Variants in ANO3 observed in about 807,000 individuals in gnomAD.
ANO3 encodes anoctamin-3.
A neutral mutation model predicts 144.8 loss-of-function variants in ANO3; 99 were observed. That is an observed-to-expected ratio of 0.68 (90% CI 0.58 to 0.81). ANO3 has a LOEUF of 0.81. Ranked by LOEUF, ANO3 falls within the 30% of genes least tolerant of loss-of-function variation. ANO3 has a pLI of 0.00. For missense variants in ANO3, 905 were observed against 1,202.2 expected, an observed-to-expected ratio of 0.75 and a Z score of 3.66; for synonymous variants, 414 against 392.6, an observed-to-expected ratio of 1.05 and a Z score of -0.64.
chr11:26,265,896 A>G (rs983728302), intron 1 of ANO3, among the ~76,000 whole-genome samples: 7 of 152,232 alleles, frequency 4.6e-5, no homozygotes, highest in Non-Finnish European at 8.8e-5. Flanking sequence ...AAAGATGTCA[A>G]TGATGAATAG....
At chr11:26,593,378 T>C (rs1851509416) in intron 14 of ANO3, among the ~76,000 whole-genome samples, 1 of 152,104 alleles carries the variant, frequency 6.6e-6, no homozygotes, top group Admixed American at 6.5e-5. Flanking sequence ...AGTCACAACT[T>C]AGTGTCTGGG....
intron 1 of ANO3, among the ~76,000 whole-genome samples, chr11:26,376,534 C>G (rs1298721064): frequency 6.6e-6 from 1 of 152,008 alleles, no homozygotes; most frequent in Non-Finnish European, 1.5e-5. Context: ...TTTCTTGAAA[C>G]ATGTCCTTCG....
chr11:26,194,442 G>GTGTGTGTGTGTGTGTA (rs1554920704), intron 1 of ANO3, among the ~76,000 whole-genome samples: 5 of 51,256 alleles, frequency 9.8e-5, no homozygotes, highest in South Asian at 7.5e-4. Flanking sequence ...ACATAGTGGT[G>GTGTGTGTGTGTGTGTA]TGTGTGTGTG....
At chr11:26,291,683 G>C (rs1853961898) in intron 1 of ANO3, among the ~76,000 whole-genome samples, 1 of 152,172 alleles carries the variant, frequency 6.6e-6, no homozygotes, top group Non-Finnish European at 1.5e-5. Flanking sequence ...AGTTTGACTG[G>C]ATATGAAATT....
At chr11:26,482,767 T>G (rs948447165) in intron 4 of ANO3, among the ~76,000 whole-genome samples, 2 of 152,124 alleles carry the variant, frequency 1.3e-5, no homozygotes, top group African/African-American at 4.8e-5. Context: ...CCTTCTAACC[T>G]TCTGAGTCTC....
chr11:26,376,723 T>A (rs1055513841), intron 1 of ANO3, among the ~76,000 whole-genome samples: 2 of 152,086 alleles, frequency 1.3e-5, no homozygotes, highest in South Asian at 2.1e-4. Context: ...GATGCGCAAC[T>A]GTTATTTTGG....
intron 1 of ANO3, among the ~76,000 whole-genome samples, chr11:26,214,333 T>C (rs1851995186): frequency 6.6e-6 from 1 of 151,900 alleles, no homozygotes; most frequent in African/African-American, 2.4e-5. Flanking sequence ...AACCTTCCAG[T>C]TTCTGTGAGT....
At chr11:26,520,291 T>C (rs970395737) in intron 6 of ANO3, among the ~76,000 whole-genome samples, 4 of 152,120 alleles carry the variant, frequency 2.6e-5, no homozygotes, top group African/African-American at 9.7e-5. Flanking sequence ...AGATCATTTT[T>C]AAAAAAACTA....
At chr11:26,346,582 C>A (rs1855500954) in intron 1 of ANO3, among the ~76,000 whole-genome samples, 1 of 152,140 alleles carries the variant, frequency 6.6e-6, no homozygotes, top group Non-Finnish European at 1.5e-5. Context: ...TGTGCCTAGA[C>A]TTGTATGTTA....
intron 4 of ANO3, among the ~76,000 whole-genome samples, chr11:26,471,887 G>A (rs922372412): frequency 3.9e-5 from 6 of 151,922 alleles, no homozygotes; most frequent in Non-Finnish European, 7.4e-5. Flanking sequence ...AACACATAGA[G>A]GTTTCTCGAA....
intron 1 of ANO3, among the ~76,000 whole-genome samples, chr11:26,361,238 T>G (rs180783532): frequency 0.011 from 1,614 of 152,274 alleles, 17 homozygotes; most frequent in Non-Finnish European, 0.016. Context: ...GATAGATTTG[T>G]GAGTGCTTTT....
intron 1 of ANO3, among the ~76,000 whole-genome samples, chr11:26,364,020 A>T (rs1285431765): frequency 1.3e-5 from 2 of 152,146 alleles, no homozygotes; most frequent in Non-Finnish European, 2.9e-5. Context: ...GGGTACATTA[A>T]TTTGTGATAT....
intron 3 of ANO3, among the ~76,000 whole-genome samples, chr11:26,461,430 C>A (rs1435775122): frequency 6.6e-6 from 1 of 151,956 alleles, no homozygotes; most frequent in African/African-American, 2.4e-5. Flanking sequence ...TAAAATGACA[C>A]CCCCCACTCC....
At chr11:26,600,197 C>T (rs1465837195) in intron 17 of ANO3, among the ~76,000 whole-genome samples, 1 of 151,804 alleles carries the variant, frequency 6.6e-6, no homozygotes, top group Non-Finnish European at 1.5e-5. Context: ...TCTGGAACTA[C>T]TGTTTCTCTC....
rs547088952 is a variant in ANO3 at position 26,520,707 on chromosome 11, C to T, written c.692+3780C>T. 2.4e-4 allele frequency among the ~76,000 whole-genome samples: 37 copies of T among 152,078 alleles called. 2 individuals are homozygous for T. The South Asian group carries it at 7.5e-3, about 31-fold the overall frequency. On this transcript the variant is annotated intron_variant, in intron 6 of 26. Coordinates refer to ENST00000256737, the MANE Select transcript of ANO3 (RefSeq NM_031418.4). ...GAGAAGTGGCTCTCAGTCTTTAGAG[C>T]ACCTTAAAATGACCTGGGAAGTAAT... is the stretch of plus-strand genomic sequence containing the variant.
intron 1 of ANO3, among the ~76,000 whole-genome samples, chr11:26,407,047 G>GGTGTGTGT (rs372391349): frequency 1.6e-4 from 17 of 108,392 alleles, no homozygotes; most frequent in African/African-American, 4.7e-4. Flanking sequence ...TATATATATG[G>GGTGTGTGT]GTGTGTGTGT....
intron 14 of ANO3, among the ~76,000 whole-genome samples, chr11:26,593,845 G>A (rs1174201450): frequency 1.3e-5 from 2 of 152,204 alleles, no homozygotes; most frequent in African/African-American, 4.8e-5. Context: ...TGACTAAAGC[G>A]GTGGCCTTCT....
At chr11:26,300,563 A>T (rs1854203140) in intron 1 of ANO3, among the ~76,000 whole-genome samples, 1 of 152,170 alleles carries the variant, frequency 6.6e-6, no homozygotes, top group Admixed American at 6.5e-5. Flanking sequence ...TCTCCTCATT[A>T]TAGATGGGGA....
At chr11:26,635,391 A>G (rs1852923085) in intron 20 of ANO3, among the ~76,000 whole-genome samples, 1 of 152,122 alleles carries the variant, frequency 6.6e-6, no homozygotes, top group African/African-American at 2.4e-5. Flanking sequence ...ACTTTTAAAT[A>G]TGTTAGGTTT....
Sources: allele counts gnomAD v4.1 joint callset (sites outside exome capture counted in the v4.1 genomes callset), GRCh38; gene constraint gnomAD v4.1.1; transcripts MANE v1.5; gene names NCBI Gene and HGNC (gene_info 2026-07-23, HGNC 2026-07-21).